RAB1A: variants seen among roughly 807,000 people sequenced by gnomAD.
RAB1A encodes RAB1A, member RAS oncogene family.
RAB1A carries 2 observed loss-of-function variants against 26.0 expected under a neutral mutation model. The ratio of observed to expected loss-of-function variants is 0.08; its 90% CI spans 0.03 to 0.24. The LOEUF is 0.24. RAB1A is among the 10% of genes least tolerant of loss of function. RAB1A has a pLI of 1.00. For synonymous variants in RAB1A, 84 were observed against 84.9 expected (o/e 0.99, Z 0.06); for missense variants, 100 against 247.0 (o/e 0.40, Z 3.99).
intron 1 of RAB1A, among the ~76,000 whole-genome samples, chr2:65,117,750 T>G (rs1173074668): frequency 1.6e-5 from 2 of 127,382 alleles, no homozygotes; most frequent in Non-Finnish European, 3.4e-5. Context: ...TTTTTTTTTT[T>G]GGTAGAGATG....
chr2:65,124,201 G>A (rs536992915), intron 1 of RAB1A, among the ~76,000 whole-genome samples: 40 of 152,214 alleles, frequency 2.6e-4, no homozygotes, highest in African/African-American at 6.0e-4. Flanking sequence ...TGGCCAGGCC[G>A]GTCTAGAACT....
chr2:65,128,002 G>A (rs879604049), intron 1 of RAB1A, among the ~76,000 whole-genome samples: 1 of 152,086 alleles, frequency 6.6e-6, no homozygotes, highest in African/African-American at 2.4e-5. Context: ...CCAAAGTGCT[G>A]GGATTACTGA....
chr2:65,087,350 A>G lies in RAB1A; in HGVS notation c.*1143T>C, dbSNP rs893301824. On this transcript the variant is annotated 3_prime_UTR_variant, in exon 6 of 6. Transcript: ENST00000409784. ...TAATTTTTAGGGATATAATTTCTAA[A>G]TTTAGAGCAATCAAATTTCCTGCTT... The G allele has an allele frequency of 6.6e-6, 1 of 152,644 alleles. No homozygotes were observed. The highest frequency in any genetic ancestry group is 2.4e-5 in the African/African-American group (1 of 41,454). 9.5% of individuals were successfully genotyped at this position (152,644 alleles called of 1,614,324 possible).
rs766379246 is a variant in RAB1A, at chr2:65,088,950, T to C, written c.409A>G (p.Thr137Ala). 1 of 1,604,532 alleles carries C rather than the reference T, an allele frequency of 6.2e-7. No individual in the cohort carries two copies. The highest frequency in any genetic ancestry group is 1.1e-5 in the South Asian group (1 of 89,696). ...DLTTKKVVDY[T>A]TAKEFADSLG... is the part of the protein sequence containing the mutation. ...AACTTTAAACATACCTTCGCTGTTGTGTAGTCTACTACTTTCTTTGTGGTC... is the reference window on the plus strand; with the variant it reads ...AACTTTAAACATACCTTCGCTGTTGCGTAGTCTACTACTTTCTTTGTGGTC... The change falls in exon 5 of 6, where the codon ACA (threonine) becomes GCA (alanine). Residue 137 changes from threonine (T) to alanine (A), a missense_variant. By Grantham distance (58) the Thr-to-Ala change is moderately conservative (BLOSUM62 0). This residue lies in a region of RAB1A where 67 missense variants were observed against 122.9 expected (regional missense o/e 0.55). Transcript: ENST00000409784.
At chr2:65,101,450 T>G (rs1222409714) in intron 2 of RAB1A, among the ~76,000 whole-genome samples, 1 of 152,122 alleles carries the variant, frequency 6.6e-6, no homozygotes, top group African/African-American at 2.4e-5. Flanking sequence ...TCTATTAATA[T>G]TTTGAGGGTA....
At chr2:65,106,157 T>C (rs1468023096) in intron 1 of RAB1A, among the ~76,000 whole-genome samples, 1 of 152,138 alleles carries the variant, frequency 6.6e-6, no homozygotes, top group Non-Finnish European at 1.5e-5. Context: ...AACATTATTA[T>C]TCACCCACAG....
chr2:65,093,250 A>G (rs1209401305), intron 3 of RAB1A, among the ~76,000 whole-genome samples: 4 of 152,216 alleles, frequency 2.6e-5, no homozygotes, highest in South Asian at 4.1e-4. Context: ...TAATCAGAGT[A>G]ACTTTTTCCC....
At chr2:65,126,446 AAAAAC>A (rs1209647131) in intron 1 of RAB1A, among the ~76,000 whole-genome samples, 2 of 152,222 alleles carry the variant, frequency 1.3e-5, no homozygotes, top group Non-Finnish European at 2.9e-5. Flanking sequence ...GTCTCAAAAA[AAAAAC>A]AAAACAAACA....
intron 1 of RAB1A, among the ~76,000 whole-genome samples, chr2:65,127,976 C>T (rs1315261236): frequency 6.6e-6 from 1 of 152,062 alleles, no homozygotes; most frequent in East Asian, 1.9e-4. Flanking sequence ...CCTCGGGATC[C>T]GCCCGCCTCG....
intron 1 of RAB1A, among the ~76,000 whole-genome samples, 183 bp downstream of exon 1, chr2:65,129,710 C>T (rs906596818): frequency 6.6e-6 from 1 of 152,106 alleles, no homozygotes; most frequent in Admixed American, 6.6e-5. Context: ...GACCCCTCCC[C>T]CGCGCGGCCG....
intron 2 of RAB1A, among the ~76,000 whole-genome samples, chr2:65,102,170 C>CAT (rs1201279417): frequency 2.0e-5 from 3 of 151,972 alleles, no homozygotes; most frequent in Non-Finnish European, 4.4e-5. Context: ...TACCAATCCT[C>CAT]ATATATATAT....
chr2:65,117,826 C>T (rs1042755880), intron 1 of RAB1A, among the ~76,000 whole-genome samples: 1 of 151,864 alleles, frequency 6.6e-6, no homozygotes, highest in African/African-American at 2.4e-5. Flanking sequence ...CCACCTCAGC[C>T]TCCGAAAGTG....
chr2:65,106,032 T>A (rs1436559111), intron 1 of RAB1A, among the ~76,000 whole-genome samples: 1 of 152,184 alleles, frequency 6.6e-6, no homozygotes, highest in Admixed American at 6.5e-5. Context: ...AGTGCTGGAA[T>A]TACAGGTGTG....
At chr2:65,107,794 TG>T (rs1256958784) in intron 1 of RAB1A, among the ~76,000 whole-genome samples, 1 of 152,160 alleles carries the variant, frequency 6.6e-6, no homozygotes, top group African/African-American at 2.4e-5. Flanking sequence ...AGATGTTGCC[TG>T]AAGTATCACC....
rs1228786888 is a variant in RAB1A at position 65,087,866 on chromosome 2, T to TA, written c.*626dup. The TA allele has an allele frequency of 1.3e-5, 2 of 152,684 alleles. No individual in the cohort carries two copies. Among genetic ancestry groups the TA allele is most frequent in the Non-Finnish European group, 2.9e-5 (2 of 68,056 alleles). 9.5% of individuals were successfully genotyped at this position (152,684 alleles called of 1,614,324 possible). A position where few individuals can be genotyped will look rare whatever the true frequency, so the allele number is the denominator to read the frequency against. ...AGAATCAAAACAATACTTATCACCA[T>TA]ACAGTTTGATATTACTTCCAATAAG... On this transcript the variant is annotated 3_prime_UTR_variant, in exon 6 of 6. Coordinates refer to ENST00000409784, the MANE Select transcript of RAB1A (RefSeq NM_004161.5).
chr2:65,103,291 ATC>A (rs961006983), intron 2 of RAB1A, among the ~76,000 whole-genome samples: 2 of 148,748 alleles, frequency 1.3e-5, no homozygotes, highest in African/African-American at 4.9e-5. Flanking sequence ...CACAGCCAGA[ATC>A]TGTCTCAAAA....
chr2:65,111,878 G>GT (rs980195141), intron 1 of RAB1A, among the ~76,000 whole-genome samples: 1 of 152,096 alleles, frequency 6.6e-6, no homozygotes, highest in Admixed American at 6.6e-5. Context: ...GAGGTCAGGA[G>GT]TTTGAGACCA....
chr2:65,091,793 G>A (rs576813348), intron 3 of RAB1A, among the ~76,000 whole-genome samples: 1 of 152,236 alleles, frequency 6.6e-6, no homozygotes, highest in South Asian at 2.1e-4. Flanking sequence ...CCAAAGTGCT[G>A]GCATTACTGG....
chr2:65,093,975 CT>C lies in RAB1A; in HGVS notation c.193-2898del, dbSNP rs57541246. ...CAGAAGTGTAAAGTGAGACCCTCTT[CT>C]TTTTTTTTTTTGAAACAAGGTCTCG... is the stretch of plus-strand genomic sequence containing the variant. On this transcript the variant is annotated intron_variant, in intron 3 of 5. Coordinates refer to ENST00000409784, the MANE Select transcript of RAB1A (RefSeq NM_004161.5). Among the ~76,000 whole-genome samples the C allele has an allele frequency of 2.7e-4, 39 of 146,418 alleles. No individual in the cohort carries two copies. In the East Asian group the frequency reaches 3.1e-3, roughly 12 times the overall value.
Sources: allele counts gnomAD v4.1 joint callset (sites outside exome capture counted in the v4.1 genomes callset), GRCh38; gene constraint gnomAD v4.1.1; regional missense constraint gnomAD v4.1.1; transcripts MANE v1.5; gene names NCBI Gene and HGNC (gene_info 2026-07-23, HGNC 2026-07-21).